GHR: variants seen among roughly 807,000 people sequenced by gnomAD.
GHR encodes the protein growth hormone receptor.
Under a neutral mutation model 67.1 loss-of-function variants are expected in GHR, and 35 were observed. The ratio of observed to expected loss-of-function variants is 0.52; its 90% CI spans 0.40 to 0.69. GHR has a LOEUF of 0.69. GHR is among the 30% of genes least tolerant of loss of function. GHR has a pLI of 0.00. For missense variants in GHR, 792 were observed against 764.6 expected, an observed-to-expected ratio of 1.04 and a Z score of -0.42; for synonymous variants, 272 against 269.1, an observed-to-expected ratio of 1.01 and a Z score of -0.10.
intron 5 of GHR, among the ~76,000 whole-genome samples, chr5:42,697,159 G>C (rs1340236502): frequency 6.6e-6 from 1 of 152,202 alleles, no homozygotes; most frequent in Non-Finnish European, 1.5e-5. Flanking sequence ...TCTTGAGAAA[G>C]TTGTCAATCA....
At chr5:42,695,405 A>C (rs1257839046) in intron 5 of GHR, among the ~76,000 whole-genome samples, 1 of 152,208 alleles carries the variant, frequency 6.6e-6, no homozygotes, top group East Asian at 1.9e-4. Flanking sequence ...GGGTGAACTT[A>C]ATATATTCTT....
chr5:42,451,702 C>CAAAA (rs35883387), intron 1 of GHR, among the ~76,000 whole-genome samples: 13 of 122,996 alleles, frequency 1.1e-4, no homozygotes, highest in African/African-American at 3.5e-4. Context: ...AAGACTCTGT[C>CAAAA]AAAAAAAAAA....
At chr5:42,468,772 T>C in intron 1 of GHR, 1 of 1,083,952 alleles carries the variant, frequency 9.2e-7, no homozygotes, top group Admixed American at 1.8e-5. Flanking sequence ...CTCTCCTGCC[T>C]TCAGCACCTC....
At chr5:42,538,199 C>T (rs751381290) in intron 1 of GHR, among the ~76,000 whole-genome samples, 3 of 152,122 alleles carry the variant, frequency 2.0e-5, no homozygotes, top group African/African-American at 7.2e-5. Context: ...ATTCATCATG[C>T]TGTTTGCTGC....
At chr5:42,598,106 G>A (rs956155322) in intron 2 of GHR, among the ~76,000 whole-genome samples, 1 of 152,102 alleles carries the variant, frequency 6.6e-6, no homozygotes, top group South Asian at 2.1e-4. Flanking sequence ...AGGTGGAAGG[G>A]GAAAGATGAG....
At chr5:42,513,978 T>C (rs1255807031) in intron 1 of GHR, 2 of 301,982 alleles carry the variant, frequency 6.6e-6, no homozygotes, top group Admixed American at 6.5e-5. Flanking sequence ...ATATAAAAAA[T>C]CTTTTCTATC....
chr5:42,711,759 A>G (rs762416983), intron 7 of GHR, among the ~76,000 whole-genome samples: 2 of 152,156 alleles, frequency 1.3e-5, no homozygotes, highest in Admixed American at 6.6e-5. Context: ...GGAAGAAAGT[A>G]TGTATCTATA....
At chr5:42,477,538 G>A (rs2112134235) in intron 1 of GHR, among the ~76,000 whole-genome samples, 1 of 152,278 alleles carries the variant, frequency 6.6e-6, no homozygotes, top group Non-Finnish European at 1.5e-5. Context: ...ATCCTCTCCA[G>A]CACCTGTTGT....
At chr5:42,502,943 C>A (rs2112236873) in intron 1 of GHR, among the ~76,000 whole-genome samples, 1 of 151,938 alleles carries the variant, frequency 6.6e-6, no homozygotes, top group Admixed American at 6.6e-5. Flanking sequence ...GGAAAATTAT[C>A]AGGTTCAGTG....
Position 42,487,856 on chromosome 5 carries a change from A to G in GHR, c.-12+63901A>G, listed in dbSNP as rs769368435. Among the ~76,000 whole-genome samples the G allele has an allele frequency of 8.5e-5, 13 of 152,168 alleles. No homozygotes were observed. In the South Asian group the frequency reaches 1.4e-3, roughly 17 times the overall value. On this transcript the variant is annotated intron_variant, in intron 1 of 9. Transcript: ENST00000230882. Reference sequence around the variant, plus strand: ...CTCCAACTGTCCAAACAAAGCTTATACTGTTGATGATATTTATCAGTGGCT... The same window carrying G: ...CTCCAACTGTCCAAACAAAGCTTATGCTGTTGATGATATTTATCAGTGGCT...
At chr5:42,670,475 A>T (rs537986751) in intron 3 of GHR, among the ~76,000 whole-genome samples, 19 of 152,212 alleles carry the variant, frequency 1.2e-4, no homozygotes, top group Non-Finnish European at 2.8e-4. Flanking sequence ...AGTTTCATGG[A>T]TATGACCTCA....
At chr5:42,608,013 C>A (rs1342670236) in intron 2 of GHR, among the ~76,000 whole-genome samples, 4 of 152,218 alleles carry the variant, frequency 2.6e-5, no homozygotes, top group East Asian at 1.9e-4. Context: ...TATGGGCAAC[C>A]TAGAACAGTC....
Position 42,695,021 on chromosome 5 carries a change from CTTATTGT to C in GHR, c.372_378del (p.Tyr125SerfsTer3). 2 of 1,608,656 alleles carry C rather than the reference CTTATTGT, an allele frequency of 1.2e-6. No homozygotes were observed. The highest frequency in any genetic ancestry group is 1.7e-6 in the Non-Finnish European group (2 of 1,175,108). On this transcript the variant is annotated frameshift_variant, in exon 5 of 10. Transcript: ENST00000230882. LOFTEE classifies it high-confidence loss of function. ...TCATCGTTTACCTCCATCTGGATAC[CTTATTGT>C]ATCAAGCTAACTAGCAATGGTGGTA...
chr5:42,671,829 G>A (rs562347772), intron 3 of GHR, among the ~76,000 whole-genome samples: 4 of 151,482 alleles, frequency 2.6e-5, no homozygotes, highest in Non-Finnish European at 4.4e-5. Flanking sequence ...AGGGGCGGGC[G>A]CCTGTAGTCC....
chr5:42,506,294 T>C (rs1410120886), intron 1 of GHR, among the ~76,000 whole-genome samples: 1 of 152,218 alleles, frequency 6.6e-6, no homozygotes, highest in Non-Finnish European at 1.5e-5. Flanking sequence ...AGATGGACCC[T>C]CTTATGATTT....
rs1758740783 is a variant in GHR at position 42,716,719 on chromosome 5, C to T, written c.876-1333C>T. Among the ~76,000 whole-genome samples the T allele has an allele frequency of 3.9e-5, 6 of 152,264 alleles. 1 individual carries two copies. Among genetic ancestry groups the T allele is most frequent in the Admixed American group, 3.3e-4 (5 of 15,292 alleles). ...ATTCATCAGTAACAATATGCTTTAA[C>T]ATTTGCCCCACTGAGTAGTAGAGGC... On this transcript the variant is annotated intron_variant, in intron 8 of 9. Transcript: ENST00000230882.
At chr5:42,498,557 AT>A (rs1746412322) in intron 1 of GHR, among the ~76,000 whole-genome samples, 1 of 152,198 alleles carries the variant, frequency 6.6e-6, no homozygotes, top group Non-Finnish European at 1.5e-5. Context: ...AGCAAATGTC[AT>A]GAGCTTCTTC....
chr5:42,677,908 T>C (rs1756649448), intron 3 of GHR, among the ~76,000 whole-genome samples: 1 of 152,188 alleles, frequency 6.6e-6, no homozygotes, highest in Non-Finnish European at 1.5e-5. Context: ...AGTTACAGGA[T>C]GAAATTTCAA....
intron 1 of GHR, among the ~76,000 whole-genome samples, chr5:42,502,803 AT>A (rs1252178620): frequency 2.1e-4 from 31 of 148,036 alleles, no homozygotes; most frequent in African/African-American, 6.9e-4. Context: ...ATATTTTATT[AT>A]TTTTATTAAT....
Sources: allele counts gnomAD v4.1 joint callset (sites outside exome capture counted in the v4.1 genomes callset), GRCh38; gene constraint gnomAD v4.1.1; transcripts MANE v1.5; gene names NCBI Gene and HGNC (gene_info 2026-07-23, HGNC 2026-07-21).